The following KIAA1958 variants were observed in gnomAD, a reference collection of about 807,000 sequenced individuals.
The protein encoded by KIAA1958 is KIAA1958.
In KIAA1958, 14 loss-of-function variants were observed where a neutral mutation model predicts 47.2. That is an observed-to-expected ratio of 0.30 (90% CI 0.20 to 0.46). The LOEUF is 0.46. Ranked by LOEUF, KIAA1958 falls within the 20% of genes least tolerant of loss-of-function variation. The pLI, the probability that KIAA1958 is intolerant of heterozygous loss-of-function variation, is 1.00. For synonymous variants in KIAA1958, 354 were observed against 353.3 expected, an observed-to-expected ratio of 1.00 and a Z score of -0.02; for missense variants, 803 against 909.2, an observed-to-expected ratio of 0.88 and a Z score of 1.50.
intron 1 of KIAA1958, among the ~76,000 whole-genome samples, chr9:112,502,959 C>G (rs1227113598): frequency 6.6e-6 from 1 of 152,120 alleles, no homozygotes; most frequent in Non-Finnish European, 1.5e-5. Flanking sequence ...GACTGTTTAA[C>G]CAACAAATAT....
intron 1 of KIAA1958, among the ~76,000 whole-genome samples, chr9:112,517,824 G>T (rs1207848491): frequency 1.3e-5 from 2 of 152,192 alleles, no homozygotes; most frequent in Non-Finnish European, 2.9e-5. Context: ...GTAAGCACAC[G>T]ATAAGATGTT....
chr9:112,563,806 T>C (rs1356100956), intron 1 of KIAA1958, among the ~76,000 whole-genome samples: 1 of 152,174 alleles, frequency 6.6e-6, no homozygotes, highest in African/African-American at 2.4e-5. Context: ...TTTGCCTTAT[T>C]CCTAATCTTA....
At position 112,584,804 on chromosome 9, in the gene KIAA1958, G is replaced by C. The variant is rs529974829; in HGVS notation, c.1171+9553G>C. Among the ~76,000 whole-genome samples the C allele has an allele frequency of 1.4e-4, 22 of 152,312 alleles. No individual in the cohort carries two copies. In the South Asian group the frequency reaches 4.6e-3, roughly 32 times the overall value. ...AGGTAGATGGTTTGGTTGAAGTTAT[G>C]ACGGGTGAGAGGGAACCTGGCCCCC... On this transcript the variant is annotated intron_variant, in intron 2 of 3. Coordinates refer to ENST00000337530, the MANE Select transcript of KIAA1958 (RefSeq NM_133465.4).
chr9:112,568,214 A>G (rs1020032874), intron 1 of KIAA1958, among the ~76,000 whole-genome samples: 1 of 152,208 alleles, frequency 6.6e-6, no homozygotes, highest in African/African-American at 2.4e-5. Context: ...ATATTCAGGA[A>G]GAAATAGCTT....
At chr9:112,611,969 CAGTG>C (rs1267515325) in intron 2 of KIAA1958, among the ~76,000 whole-genome samples, 12 of 151,532 alleles carry the variant, frequency 7.9e-5, no homozygotes, top group Admixed American at 6.6e-4. Flanking sequence ...GATGCCATCA[CAGTG>C]AGGAAAAATA....
chr9:112,598,649 C>A (rs1189401144), intron 2 of KIAA1958, among the ~76,000 whole-genome samples: 1 of 152,116 alleles, frequency 6.6e-6, no homozygotes, highest in Non-Finnish European at 1.5e-5. Context: ...CCAGGCATTA[C>A]TATGTTAATA....
chr9:112,627,667 T>C (rs1206432354), intron 2 of KIAA1958, among the ~76,000 whole-genome samples: 1 of 152,166 alleles, frequency 6.6e-6, no homozygotes, highest in Non-Finnish European at 1.5e-5. Flanking sequence ...GGCAGGAGCA[T>C]TGCTTGAGCC....
chr9:112,575,502 G>A (rs1373995748), intron 2 of KIAA1958, among the ~76,000 whole-genome samples: 10 of 151,762 alleles, frequency 6.6e-5, no homozygotes, highest in Middle Eastern at 6.3e-3. Context: ...ATATTGCAGC[G>A]TTAGATTTAA....
chr9:112,508,006 C>T (rs1456426240), intron 1 of KIAA1958, among the ~76,000 whole-genome samples: 1 of 151,848 alleles, frequency 6.6e-6, no homozygotes, highest in Non-Finnish European at 1.5e-5. Flanking sequence ...GGACTCCTTT[C>T]TTATTAAATA....
intron 1 of KIAA1958, among the ~76,000 whole-genome samples, chr9:112,558,079 G>C (rs1835272336): frequency 6.6e-6 from 1 of 152,024 alleles, no homozygotes; most frequent in Non-Finnish European, 1.5e-5. Flanking sequence ...CAAAAAATTA[G>C]CCGGGCATCG....
chr9:112,534,495 T>C (rs1443009151), intron 1 of KIAA1958, among the ~76,000 whole-genome samples: 3 of 152,224 alleles, frequency 2.0e-5, no homozygotes, highest in African/African-American at 7.2e-5. Flanking sequence ...TGTGAAATAC[T>C]TGTTTGTATC....
chr9:112,510,672 T>C (rs17739331), intron 1 of KIAA1958, among the ~76,000 whole-genome samples: 1,659 of 152,262 alleles, frequency 0.011, 18 homozygotes, highest in Non-Finnish European at 0.019. Flanking sequence ...AAATTCTCCA[T>C]GTAGCTAAAC....
At chr9:112,598,368 A>G (rs946561603) in intron 2 of KIAA1958, among the ~76,000 whole-genome samples, 2 of 152,212 alleles carry the variant, frequency 1.3e-5, no homozygotes, top group African/African-American at 4.8e-5. Context: ...GAGATACTGA[A>G]GATTGAAGTT....
At chr9:112,524,465 A>G (rs1014115744) in intron 1 of KIAA1958, among the ~76,000 whole-genome samples, 2 of 152,242 alleles carry the variant, frequency 1.3e-5, no homozygotes, top group African/African-American at 4.8e-5. Flanking sequence ...ATTGTAGTAA[A>G]ATACATATAA....
In KIAA1958 at chr9:112,488,048, G is replaced by T. The variant is rs1329545539; in HGVS notation, c.-25+930G>T. On this transcript the variant is annotated intron_variant, in intron 1 of 3. Coordinates refer to ENST00000337530, the MANE Select transcript of KIAA1958 (RefSeq NM_133465.4). ...TCGCAAGACGGAATCCTCTCCCGACGAAATAAACAGCTAACAAGCCAGTCA... is the reference window on the plus strand; with the variant it reads ...TCGCAAGACGGAATCCTCTCCCGACTAAATAAACAGCTAACAAGCCAGTCA... Among the ~76,000 whole-genome samples, 6 of 151,800 alleles carry T rather than the reference G, an allele frequency of 4.0e-5. No individual in the cohort carries two copies. In the East Asian group the frequency reaches 1.2e-3, roughly 29 times the overall value.
intron 2 of KIAA1958, among the ~76,000 whole-genome samples, chr9:112,604,985 TA>T (rs2131203603): frequency 6.8e-6 from 1 of 147,572 alleles, no homozygotes; most frequent in East Asian, 1.9e-4. Context: ...TTATATATTT[TA>T]TGTATAACAT....
At chr9:112,524,881 C>G (rs957179505) in intron 1 of KIAA1958, among the ~76,000 whole-genome samples, 2 of 152,182 alleles carry the variant, frequency 1.3e-5, no homozygotes, top group Non-Finnish European at 2.9e-5. Context: ...AGGCTTATCA[C>G]TATGGTAAAC....
intron 3 of KIAA1958, among the ~76,000 whole-genome samples, chr9:112,658,310 C>T (rs2131253285): frequency 6.6e-6 from 1 of 152,318 alleles, no homozygotes; most frequent in Admixed American, 6.5e-5. Context: ...TTCCCTACAG[C>T]ACTATGTCTA....
At chr9:112,586,744 C>G (rs1052773881) in intron 2 of KIAA1958, among the ~76,000 whole-genome samples, 1 of 152,178 alleles carries the variant, frequency 6.6e-6, no homozygotes, top group African/African-American at 2.4e-5. Flanking sequence ...AATTTTCTTT[C>G]AGTGAATTGG....
Sources: gnomAD v4.1 joint callset for allele counts (sites outside exome capture counted in the v4.1 genomes callset) on GRCh38, gnomAD v4.1.1 for gene constraint, MANE v1.5 for transcripts, NCBI Gene and HGNC (gene_info 2026-07-23, HGNC 2026-07-21) for gene names.